SDR42E1: variants seen among roughly 807,000 people sequenced by gnomAD.
SDR42E1 encodes short chain dehydrogenase/reductase family 42E, member 1.
A neutral mutation model predicts 2.6 loss-of-function variants in SDR42E1; 5 were observed. That is an observed-to-expected ratio of 1.94 (90% confidence interval 1.01 to 4.08). The LOEUF (loss-of-function observed/expected upper bound fraction) is 4.08. SDR42E1 is among the 30% of genes most tolerant of loss of function. The pLI, the probability that SDR42E1 is intolerant of heterozygous loss-of-function variation, is 0.00. For missense variants in SDR42E1, 596 were observed against 478.6 expected (o/e 1.25, Z -2.29); for synonymous variants, 231 against 188.3 (o/e 1.23, Z -1.86).
At position 82,000,190 on chromosome 16, in the gene SDR42E1, C is replaced by T; in HGVS notation, c.103G>A (p.Val35Met). 3 of 1,610,206 alleles carry T rather than the reference C, an allele frequency of 1.9e-6. No homozygotes were observed. The highest frequency in any genetic ancestry group is 2.5e-6 in the Non-Finnish European group (3 of 1,177,998). ...GCALNQNGVH[V>M]ILFDISSPAQ... ...GGGCTGCTGATGTCAAACAGAATCA[C>T]ATGGACTCCATTTTGGTTCAGGGCA... is the stretch of plus-strand genomic sequence containing the variant. The change falls in exon 3 of 3, where the codon GTG becomes ATG. Residue 35 changes from valine (V) to methionine (M), a missense_variant. Coordinates refer to ENST00000328945, the MANE Select transcript of SDR42E1 (RefSeq NM_145168.3).
chr16:81,998,886 C>A lies in SDR42E1; in HGVS notation c.*225G>T. 1 of 575,376 alleles carries A rather than the reference C, an allele frequency of 1.7e-6. No homozygotes were observed. The highest frequency in any genetic ancestry group is 3.0e-6 in the Non-Finnish European group (1 of 330,266). 35.6% of individuals were successfully genotyped at this position (575,376 alleles called of 1,614,324 possible). On this transcript the variant is annotated 3_prime_UTR_variant, in exon 3 of 3. Coordinates refer to ENST00000328945, the MANE Select transcript of SDR42E1 (RefSeq NM_145168.3). ...CTATTGTACCCACCTAAAACAGAAG[C>A]ACATAACAAATCAAATTTCAAACTA... is the stretch of plus-strand genomic sequence containing the variant.
chr16:81,997,000 C>T lies in SDR42E1; in HGVS notation c.*2111G>A, dbSNP rs190767777. Reference sequence around the variant, plus strand: ...GTGGCACCCCAGAGAGCTGTTCAGACAGTAAGGCTTCTAAGAAGCACAGCG... The same window carrying T: ...GTGGCACCCCAGAGAGCTGTTCAGATAGTAAGGCTTCTAAGAAGCACAGCG... On this transcript the variant is annotated 3_prime_UTR_variant, in exon 3 of 3. Coordinates refer to ENST00000328945, the MANE Select transcript of SDR42E1 (RefSeq NM_145168.3). 13 of 152,324 alleles carry T rather than the reference C, an allele frequency of 8.5e-5. No individual in the cohort carries two copies. Among genetic ancestry groups the T allele is most frequent in the African/African-American group, 1.4e-4 (6 of 41,562 alleles). 9.4% of individuals were successfully genotyped at this position (152,324 alleles called of 1,614,324 possible).
At position 81,999,176 on chromosome 16, in the gene SDR42E1, A is replaced by T. The variant is rs762255538; in HGVS notation, c.1117T>A (p.Leu373Met). ...ACTGCTATAATCAGGAGGAAGACCA[A>T]TAGCCCATCCCAAACAAAACACTCC... Reference protein sequence around the residue: ...DSECFVWDGLLVFLLIIAVLM... With the variant: ...DSECFVWDGLMVFLLIIAVLM... The change falls in exon 3 of 3, where the codon TTG becomes ATG. Residue 373 changes from leucine (L) to methionine (M), a missense_variant. Leu to Met is a conservative substitution (Grantham distance 15). Transcript: ENST00000328945. 1 of 1,614,242 alleles carries T rather than the reference A, an allele frequency of 6.2e-7. No homozygotes were observed. The highest frequency in any genetic ancestry group is 8.5e-7 in the Non-Finnish European group (1 of 1,180,048).
chr16:82,005,832 C>CA (rs150380586), intron 1 of SDR42E1, among the ~76,000 whole-genome samples: 8,865 of 151,084 alleles, frequency 0.059, 812 homozygotes, highest in African/African-American at 0.2. Context: ...CAAGAAACAA[C>CA]AAAAAAAACC....
chr16:81,993,171 C>G lies in SDR42E1; in HGVS notation c.*5940G>C, dbSNP rs1213774077. 1 of 152,238 alleles carries G rather than the reference C, an allele frequency of 6.6e-6. No individual in the cohort carries two copies. Among genetic ancestry groups the G allele is most frequent in the Non-Finnish European group, 1.5e-5 (1 of 68,104 alleles). The allele number at this position is 152,238 out of a possible 1,614,324, so 9.4% of individuals were successfully genotyped here. On this transcript the variant is annotated 3_prime_UTR_variant, in exon 3 of 3. Transcript: ENST00000328945. ...GCCCTTTGGCGAGTCCCATCTCCCC[C>G]TTCATTCATTCAGCAAAGTTGTACT...
At position 81,997,536 on chromosome 16, in the gene SDR42E1, A is replaced by C. The variant is rs1912570622; in HGVS notation, c.*1575T>G. The C allele has an allele frequency of 6.6e-6, 1 of 152,236 alleles. No individual in the cohort carries two copies. The highest frequency in any genetic ancestry group is 2.4e-5 in the African/African-American group (1 of 41,452). 9.4% of individuals were successfully genotyped at this position (152,236 alleles called of 1,614,324 possible). ...ATGAGGATATTCAAGCAGTTCTAGA[A>C]CAATACATGGCAGGTGCTCATATGC... On this transcript the variant is annotated 3_prime_UTR_variant, in exon 3 of 3. Transcript: ENST00000328945.
chr16:81,995,275 C>T lies in SDR42E1; in HGVS notation c.*3836G>A, dbSNP rs988208071. ...ACCTCTGAGAGCATCCCCAAGTGCA[C>T]AAGTGTGAGCATAATTTTATTGTTA... On this transcript the variant is annotated 3_prime_UTR_variant, in exon 3 of 3. Transcript: ENST00000328945. The T allele has an allele frequency of 6.6e-6, 1 of 152,252 alleles. No individual in the cohort carries two copies. Among genetic ancestry groups the T allele is most frequent in the African/African-American group, 2.4e-5 (1 of 41,432 alleles). 9.4% of individuals were successfully genotyped at this position (152,252 alleles called of 1,614,324 possible).
chr16:81,997,086 G>A lies in SDR42E1; in HGVS notation c.*2025C>T, dbSNP rs1324191545. The A allele has an allele frequency of 6.6e-6, 1 of 152,230 alleles. No individual in the cohort carries two copies. The highest frequency in any genetic ancestry group is 2.4e-5 in the African/African-American group (1 of 41,458). The allele number at this position is 152,230 out of a possible 1,614,324, so 9.4% of individuals were successfully genotyped here. ...TGGAGAACTTACCTCAGAGATTTGT[G>A]GGTGTGGCTTTTGTGAGTGAACTGC... On this transcript the variant is annotated 3_prime_UTR_variant, in exon 3 of 3. Coordinates refer to ENST00000328945, the MANE Select transcript of SDR42E1 (RefSeq NM_145168.3).
At chr16:82,009,031 C>G (rs1195457229) in intron 1 of SDR42E1, among the ~76,000 whole-genome samples, 1 of 152,178 alleles carries the variant, frequency 6.6e-6, no homozygotes, top group Non-Finnish European at 1.5e-5. Flanking sequence ...GGTGCAAGCC[C>G]CAAGCCTTGG....
rs1009135964 is a variant in SDR42E1 at position 81,991,362 on chromosome 16, G to A, written c.*7749C>T. 1 of 152,096 alleles carries A rather than the reference G, an allele frequency of 6.6e-6. No homozygotes were observed. Among genetic ancestry groups the A allele is most frequent in the African/African-American group, 2.4e-5 (1 of 41,398 alleles). 9.4% of individuals were successfully genotyped at this position (152,096 alleles called of 1,614,324 possible). On this transcript the variant is annotated 3_prime_UTR_variant, in exon 3 of 3. Coordinates refer to ENST00000328945, the MANE Select transcript of SDR42E1 (RefSeq NM_145168.3). The stretch of plus-strand genomic sequence containing the variant: ...ATAGTTTACTTTAATTGCAAATGAA[G>A]TTCGAGTAACACTTAGCCTTGAATA...
At chr16:82,008,381 T>C (rs1478655723) in intron 1 of SDR42E1, among the ~76,000 whole-genome samples, 1 of 152,180 alleles carries the variant, frequency 6.6e-6, no homozygotes, top group Non-Finnish European at 1.5e-5. Flanking sequence ...CTGCAACAGT[T>C]TGGAGGGCTC....
Position 81,999,120 on chromosome 16 carries a change from C to A in SDR42E1, c.1173G>T (p.Leu391=). Residue 391 remains leucine (L), a synonymous_variant, in exon 3 of 3, where the codon CTG becomes CTT. Coordinates refer to ENST00000328945, the MANE Select transcript of SDR42E1 (RefSeq NM_145168.3). ...VLMWLPSSVI[L]SL is the part of the protein sequence containing the mutation. ...ATTTCTGGCCCCTCCTTCACAGTGA[C>A]AGAATCACAGAAGAAGGCAGCCACA... 6.2e-7 allele frequency: 1 copy of A among 1,613,236 alleles called. No homozygotes were observed. Among genetic ancestry groups the A allele is most frequent in the Non-Finnish European group, 8.5e-7 (1 of 1,179,658 alleles).
Position 82,000,784 on chromosome 16 carries a change from C to A in SDR42E1, c.68+7G>T, listed in dbSNP as rs748222798. On this transcript the variant is annotated splice_region_variant and intron_variant, in intron 2 of 2. Coordinates refer to ENST00000328945, the MANE Select transcript of SDR42E1 (RefSeq NM_145168.3). Reference sequence around the variant, plus strand: ...ATTCCATGTGTATATTTTATAGATACACTTACCGAAAACCAAAATAGCCAC... The same window carrying A: ...ATTCCATGTGTATATTTTATAGATAAACTTACCGAAAACCAAAATAGCCAC... 24 of 1,600,624 alleles carry A rather than the reference C, an allele frequency of 1.5e-5. No individual in the cohort carries two copies. Among genetic ancestry groups the A allele is most frequent in the Non-Finnish European group, 2.1e-5 (24 of 1,168,748 alleles).
rs1420287322 is a variant in SDR42E1, at chr16:81,995,254, CTG to C, written c.*3855_*3856del. 2.6e-5 allele frequency: 4 copies of C among 152,302 alleles called. No homozygotes were observed. Among genetic ancestry groups the C allele is most frequent in the African/African-American group, 9.7e-5 (4 of 41,434 alleles). 9.4% of individuals were successfully genotyped at this position (152,302 alleles called of 1,614,324 possible). A position where few individuals can be genotyped will look rare whatever the true frequency, so the allele number is the denominator to read the frequency against. On this transcript the variant is annotated 3_prime_UTR_variant, in exon 3 of 3. Coordinates refer to ENST00000328945, the MANE Select transcript of SDR42E1 (RefSeq NM_145168.3). The stretch of plus-strand genomic sequence containing the variant: ...TGCTGGGTGGCTTCTGCCCAGACCT[CTG>C]AGAGCATCCCCAAGTGCACAAGTGT...
chr16:82,009,694 G>C (rs1913062984), intron 1 of SDR42E1, among the ~76,000 whole-genome samples: 1 of 152,238 alleles, frequency 6.6e-6, no homozygotes, highest in South Asian at 2.1e-4. Flanking sequence ...CCTCAGATGA[G>C]ACTTTGGAGT....
chr16:81,998,940 C>T lies in SDR42E1; in HGVS notation c.*171G>A. On this transcript the variant is annotated 3_prime_UTR_variant, in exon 3 of 3. Coordinates refer to ENST00000328945, the MANE Select transcript of SDR42E1 (RefSeq NM_145168.3). ...TCTGCTTCTGCTTTTTCATTCCCAT[C>T]TGGATTAGTGCAAGGAAATAAGACA... 3 of 673,248 alleles carry T rather than the reference C, an allele frequency of 4.5e-6. No homozygotes were observed. The allele number at this position is 673,248 out of a possible 1,614,324, so 41.7% of individuals were successfully genotyped here.
At chr16:82,011,290 A>C (rs1597184077) in intron 1 of SDR42E1, 97 bp downstream of exon 1, 1 of 150,624 alleles carries the variant, frequency 6.6e-6, no homozygotes, top group Non-Finnish European at 1.5e-5. Flanking sequence ...ACCGTCCCCC[A>C]CCCCCGGGAC....
chr16:82,007,118 G>C (rs1489928420), intron 1 of SDR42E1, among the ~76,000 whole-genome samples: 1 of 152,204 alleles, frequency 6.6e-6, no homozygotes, highest in African/African-American at 2.4e-5. Context: ...CAGTATAAAT[G>C]CCATGTGAGT....
chr16:81,995,484 A>G lies in SDR42E1; in HGVS notation c.*3627T>C, dbSNP rs1912521898. On this transcript the variant is annotated 3_prime_UTR_variant, in exon 3 of 3. Transcript: ENST00000328945. ...TCAGCTGAGATGTGGAGGGAGCACA[A>G]ATCACTTGGCCCACATTCCTTCCCC... 1.3e-5 allele frequency: 2 copies of G among 152,220 alleles called. No homozygotes were observed. 9.4% of individuals were successfully genotyped at this position (152,220 alleles called of 1,614,324 possible).
Sources: allele counts gnomAD v4.1 joint callset (sites outside exome capture counted in the v4.1 genomes callset), GRCh38; gene constraint gnomAD v4.1.1; transcripts MANE v1.5; gene names NCBI Gene and HGNC (gene_info 2026-07-23, HGNC 2026-07-21).